The following CCDC30 variants were observed in gnomAD, a reference collection of about 807,000 sequenced individuals.
CCDC30 encodes the protein coiled-coil domain-containing protein 30.
CCDC30 carries 70 observed loss-of-function variants against 100.2 expected under a neutral mutation model. That is an observed-to-expected ratio of 0.70 (90% CI 0.58 to 0.85). CCDC30 has a LOEUF of 0.85. Among genes scored for constraint, CCDC30 ranks in the 40% least tolerant of loss-of-function variants. The pLI, the probability that CCDC30 is intolerant of heterozygous loss-of-function variation, is 0.00. For missense variants in CCDC30, 652 were observed against 771.2 expected (o/e 0.85, Z 1.83); for synonymous variants, 233 against 269.5 (o/e 0.86, Z 1.33).
At chr1:42,539,081 C>T (rs139493228) in intron 6 of CCDC30, 92 bp from the exon 8 acceptor site, 17 of 1,064,296 alleles carry the variant, frequency 1.6e-5, no homozygotes, top group Admixed American at 6.5e-5. Flanking sequence ...TTTGTCAGGA[C>T]CATTTCAAGA....
At chr1:42,649,575 CATAT>C (rs1467354341) in intron 15 of CCDC30, among the ~76,000 whole-genome samples, 1 of 152,122 alleles carries the variant, frequency 6.6e-6, no homozygotes, top group Non-Finnish European at 1.5e-5. Context: ...ACTTCTATTT[CATAT>C]ATACTGGAAA....
upstream of CCDC30, among the ~76,000 whole-genome samples, chr1:42,460,744 T>G (rs1305787012): frequency 1.3e-5 from 2 of 152,212 alleles, no homozygotes; most frequent in Non-Finnish European, 2.9e-5. Context: ...GGCATTTGAC[T>G]TAATCTCAGT....
At chr1:42,510,138 T>G (rs1644454339) in intron 6 of CCDC30, 1 of 984,598 alleles carries the variant, frequency 1.0e-6, no homozygotes, top group African/African-American at 1.7e-5. Context: ...ATTTGAGGGT[T>G]TCAATTAGGG....
rs771857408 is a variant in CCDC30, at chr1:42,549,822, C to A, written c.457-16474C>A. On this transcript the variant is annotated intron_variant, in intron 6 of 16. Transcript: ENST00000668663. Reference sequence around the variant, plus strand: ...GCTTATAGAGCCCAGCTGATCTCAGCCTGTCCTTGTTTTATTAGGAAGCTT... The same window carrying A: ...GCTTATAGAGCCCAGCTGATCTCAGACTGTCCTTGTTTTATTAGGAAGCTT... Among the ~76,000 whole-genome samples the A allele has an allele frequency of 2.3e-4, 35 of 152,176 alleles. 1 individual carries two copies. Among genetic ancestry groups the A allele is most frequent in the Non-Finnish European group, 7.3e-5 (5 of 68,036 alleles).
intron 6 of CCDC30, among the ~76,000 whole-genome samples, chr1:42,558,936 G>A (rs1454473177): frequency 1.3e-5 from 2 of 152,182 alleles, no homozygotes; most frequent in African/African-American, 2.4e-5. Context: ...CAGTTTAACA[G>A]TGGACCTCTC....
Position 42,596,482 on chromosome 1 carries a change from C to T in CCDC30, c.1164+6999C>T, listed in dbSNP as rs527256622. On this transcript the variant is annotated intron_variant, in intron 10 of 16. Transcript: ENST00000668663. The surrounding 1 kb of genome is among the most constrained non-coding windows in gnomAD (Gnocchi z 4.3). ...CCTAGCGGAATAGAAATATCCAACTCCAGCCAACTCTAGCCATCTCGTCCC... is the reference window on the plus strand; with the variant it reads ...CCTAGCGGAATAGAAATATCCAACTTCAGCCAACTCTAGCCATCTCGTCCC... Among the ~76,000 whole-genome samples, 23 of 151,996 alleles carry T rather than the reference C, an allele frequency of 1.5e-4. 1 individual carries two copies. The highest frequency in any genetic ancestry group is 2.9e-4 in the Non-Finnish European group (20 of 68,004).
At chr1:42,654,386 G>C (rs1648586745), downstream of CCDC30, 1 of 195,590 alleles carries the variant, frequency 5.1e-6, no homozygotes. Flanking sequence ...AGCAAATTTT[G>C]TTTTTAAAAA....
chr1:42,644,716 A>T, exon 14 of CCDC30: 1 of 1,610,030 alleles, frequency 6.2e-7, no homozygotes, highest in Non-Finnish European at 8.5e-7. Flanking sequence ...GATAAAGAAA[A>T]TAAGCAATTA....
At chr1:42,547,624 T>A (rs973355013) in intron 6 of CCDC30, among the ~76,000 whole-genome samples, 1 of 152,182 alleles carries the variant, frequency 6.6e-6, no homozygotes, top group Non-Finnish European at 1.5e-5. Context: ...TTTCCAGGAC[T>A]TGGTCCAATC....
At chr1:42,640,986 T>C (rs1005426562) in intron 12 of CCDC30, among the ~76,000 whole-genome samples, 1 of 152,052 alleles carries the variant, frequency 6.6e-6, no homozygotes, top group African/African-American at 2.4e-5. Context: ...TTGGGCACAG[T>C]GTCTCATGCC....
intron 3 of CCDC30, among the ~76,000 whole-genome samples, chr1:42,485,891 G>A (rs1211845028): frequency 2.0e-5 from 3 of 152,070 alleles, no homozygotes; most frequent in Admixed American, 6.6e-5. Flanking sequence ...GACGATGTTC[G>A]ATACCATTAG....
rs184917433 is a variant in CCDC30 at position 42,629,175 on chromosome 1, T to C, written c.1278-8062T>C. On this transcript the variant is annotated intron_variant, in intron 11 of 16. Transcript: ENST00000668663. ...GTCATTAACGTCCTTTGCTTTCTGA[T>C]TGAAGTACTCCCTTTAGCTTTTCTT... Among the ~76,000 whole-genome samples the C allele has an allele frequency of 1.1e-3, 166 of 152,374 alleles. 1 individual carries two copies. The highest frequency in any genetic ancestry group is 3.8e-3 in the African/African-American group (159 of 41,586).
intron 1 of CCDC30, among the ~76,000 whole-genome samples, chr1:42,470,173 C>T (rs1034339452): frequency 4.6e-5 from 7 of 152,180 alleles, no homozygotes; most frequent in African/African-American, 1.7e-4. Flanking sequence ...ACAAGTGAAG[C>T]CAAAGAGTAT....
chr1:42,650,845 C>G (rs546986082), intron 15 of CCDC30, among the ~76,000 whole-genome samples: 1 of 151,984 alleles, frequency 6.6e-6, no homozygotes, highest in Admixed American at 6.6e-5. Context: ...CCAGGCTGGT[C>G]TCAAACTCCT....
At chr1:42,482,739 A>G in exon 3 of CCDC30, 1 of 1,234,162 alleles carries the variant, frequency 8.1e-7, no homozygotes, top group Non-Finnish European at 1.0e-6. Flanking sequence ...GTAGCAAAGA[A>G]GTTAGGGGTG....
At chr1:42,520,978 C>CTT (rs35261350) in intron 6 of CCDC30, among the ~76,000 whole-genome samples, 16,456 of 133,190 alleles carry the variant, frequency 0.12, 1,380 homozygotes, top group East Asian at 0.18. Context: ...TTTCTTTTTT[C>CTT]TTTTTTTTTT....
At chr1:42,524,300 C>T (rs552874148) in intron 6 of CCDC30, among the ~76,000 whole-genome samples, 1 of 152,138 alleles carries the variant, frequency 6.6e-6, no homozygotes, top group South Asian at 2.1e-4. Flanking sequence ...AGCTTAAGGT[C>T]TTCTGGAGTC....
chr1:42,555,691 A>C (rs1338313223), intron 6 of CCDC30, among the ~76,000 whole-genome samples: 2 of 152,146 alleles, frequency 1.3e-5, no homozygotes, highest in East Asian at 3.9e-4. Flanking sequence ...GTTTTCTTTT[A>C]TTTTTTATTT....
chr1:42,606,142 C>T (rs991169677), intron 10 of CCDC30, among the ~76,000 whole-genome samples: 4 of 152,114 alleles, frequency 2.6e-5, no homozygotes, highest in East Asian at 1.9e-4. Flanking sequence ...CCATACATAG[C>T]GTCATTTGCA....
Sources: allele counts gnomAD v4.1 joint callset (sites outside exome capture counted in the v4.1 genomes callset), GRCh38; gene constraint gnomAD v4.1.1; non-coding constraint Gnocchi (gnomAD v3.1); transcripts MANE v1.5; gene names NCBI Gene and HGNC (gene_info 2026-07-23, HGNC 2026-07-21).